Variants in DAPK1 observed in about 807,000 individuals in gnomAD.
DAPK1 encodes death-associated protein kinase 1.
Under a neutral mutation model 144.9 loss-of-function variants are expected in DAPK1, and 56 were observed. The observed-to-expected ratio is 0.39, with a 90% CI of 0.31 to 0.48. DAPK1 has a LOEUF of 0.48. Ranked by LOEUF, DAPK1 falls within the 20% of genes least tolerant of loss-of-function variation. The pLI is 0.95. For missense variants in DAPK1, 1,454 were observed against 1,875.4 expected (o/e 0.78, Z 4.15); for synonymous variants, 690 against 749.0 (o/e 0.92, Z 1.29).
chr9:87,680,375 G>A (rs1339311233), intron 19 of DAPK1, among the ~76,000 whole-genome samples: 1 of 152,222 alleles, frequency 6.6e-6, no homozygotes, highest in African/African-American at 2.4e-5. Context: ...AAAGTGCTGG[G>A]ATTACAGGCG....
In DAPK1 at chr9:87,498,055, G is replaced by T; in HGVS notation, c.-161G>T. The T allele has an allele frequency of 2.5e-6, 1 of 397,764 alleles. No homozygotes were observed. The highest frequency in any genetic ancestry group is 1.3e-4 in the South Asian group (1 of 7,702). 24.6% of individuals were successfully genotyped at this position (397,764 alleles called of 1,614,324 possible). A position where few individuals can be genotyped will look rare whatever the true frequency, so the allele number is the denominator to read the frequency against. On this transcript the variant is annotated 5_prime_UTR_variant, in exon 1 of 26. The change abolishes an upstream ATG in the 5' untranslated region. Transcript: ENST00000408954. ...GCTAGTCTCCGGCGCTGGCGCCTAT[G>T]GTCGGCCTCCGACAGCGCTCCGGAG...
chr9:87,528,218 TC>T (rs1278710009), intron 2 of DAPK1, among the ~76,000 whole-genome samples: 1 of 59,128 alleles, frequency 1.7e-5, no homozygotes, highest in Non-Finnish European at 2.9e-5. Flanking sequence ...TTTCTTTCTT[TC>T]TTTTTTTTTT....
At chr9:87,678,434 C>T (rs3118853) in intron 19 of DAPK1, among the ~76,000 whole-genome samples, 47,975 of 152,008 alleles carry the variant, frequency 0.32, 8,824 homozygotes, top group Middle Eastern at 0.52. Context: ...GCAACCCCCA[C>T]AGACGCCCAC....
In DAPK1 at chr9:87,681,387, T is replaced by G. The variant is rs1824613569; in HGVS notation, c.2002-17T>G. 2 of 1,437,942 alleles carry G rather than the reference T, an allele frequency of 1.4e-6. No individual in the cohort carries two copies. Among genetic ancestry groups the G allele is most frequent in the Non-Finnish European group, 2.0e-6 (2 of 1,022,684 alleles). The allele number at this position is 1,437,942 out of a possible 1,614,324, so 89.1% of individuals were successfully genotyped here. A position where few individuals can be genotyped will look rare whatever the true frequency, so the allele number is the denominator to read the frequency against. On this transcript the variant is annotated splice_polypyrimidine_tract_variant and intron_variant, in intron 19 of 25. Transcript: ENST00000408954. ...TCTTTTTCTGTCACTCACTGGCTCT[T>G]TCTCATCCATGCTCAGGATACGCAC...
chr9:87,668,629 G>A lies in DAPK1; in HGVS notation c.1956G>A (p.Ser652=), dbSNP rs760925899. 31 of 1,485,518 alleles carry A rather than the reference G, an allele frequency of 2.1e-5. No individual in the cohort carries two copies. The highest frequency in any genetic ancestry group is 2.4e-5 in the Non-Finnish European group (26 of 1,062,690). 92.0% of individuals were successfully genotyped at this position (1,485,518 alleles called of 1,614,324 possible). ...AGACGGCAGAAGATCTTGCTAGATC[G>A]GAACAGCACGAGCACGTAGCAGGTC... ...DGKTAEDLAR[S]EQHEHVAGLL... The change falls in exon 19 of 26, where the codon TCG becomes TCA. Residue 652 remains serine, a synonymous_variant. Coordinates refer to ENST00000408954, the MANE Select transcript of DAPK1 (RefSeq NM_004938.4).
intron 20 of DAPK1, among the ~76,000 whole-genome samples, chr9:87,682,100 T>C (rs79818083): frequency 0.033 from 5,020 of 152,226 alleles, 162 homozygotes; most frequent in African/African-American, 0.08. Flanking sequence ...TGTAGATACA[T>C]AGAGCAACAA....
chr9:87,701,175 G>A (rs1825441073), intron 24 of DAPK1, among the ~76,000 whole-genome samples: 1 of 152,118 alleles, frequency 6.6e-6, no homozygotes, highest in African/African-American at 2.4e-5. Flanking sequence ...AAATAAATAT[G>A]TCATTTGAAT....
rs1023738128 is a variant in DAPK1, at chr9:87,507,281, C to T, written c.62+8142C>T. 2.0e-5 allele frequency among the ~76,000 whole-genome samples: 3 copies of T among 152,172 alleles called. No homozygotes were observed. In the South Asian group the frequency reaches 6.2e-4, roughly 31 times the overall value. On this transcript the variant is annotated intron_variant, in intron 2 of 25. Transcript: ENST00000408954. ...TGGCTGGAATGCAATGGCGCTATCT[C>T]GGCTCACTGCAACCTCCGCCTCCTG...
At chr9:87,607,629 C>T (rs1003393749) in intron 3 of DAPK1, among the ~76,000 whole-genome samples, 13 of 152,048 alleles carry the variant, frequency 8.5e-5, no homozygotes, top group African/African-American at 2.9e-4. Context: ...TATAATACAG[C>T]AAATATAGTG....
chr9:87,683,796 G>A (rs907424203), intron 20 of DAPK1, among the ~76,000 whole-genome samples: 3 of 152,176 alleles, frequency 2.0e-5, no homozygotes, highest in Non-Finnish European at 4.4e-5. Context: ...GTCCTGGCGC[G>A]GGGGCAGAAG....
chr9:87,662,273 C>A (rs1020929356), intron 18 of DAPK1, among the ~76,000 whole-genome samples: 4 of 152,034 alleles, frequency 2.6e-5, no homozygotes, highest in Non-Finnish European at 4.4e-5. Context: ...CAGCTTTGCT[C>A]TTTTTGCTTA....
intron 2 of DAPK1, among the ~76,000 whole-genome samples, chr9:87,559,803 C>T (rs1406870500): frequency 6.6e-6 from 1 of 152,034 alleles, no homozygotes. Context: ...CTGGTGTGGA[C>T]CTTTGATGCC....
chr9:87,562,142 A>G (rs745381343), intron 2 of DAPK1, among the ~76,000 whole-genome samples: 24 of 152,196 alleles, frequency 1.6e-4, no homozygotes, highest in Non-Finnish European at 3.4e-4. Flanking sequence ...GCAGTTCTGT[A>G]TCTACCTGGT....
In DAPK1 at chr9:87,605,131, C is replaced by A. The variant is rs36207429; in HGVS notation, c.240C>A (p.His80Gln). Residue 80 changes from histidine (H) to glutamine (Q), a missense_variant, in exon 3 of 26, where the codon CAC (histidine) becomes CAA (glutamine). Physicochemically the swap from His to Gln is conservative, Grantham distance 24 (BLOSUM62 0). Around this residue, in one of 2 missense-constraint regions of DAPK1, gnomAD observed 429 missense variants for 637.5 expected, o/e 0.67. Transcript: ENST00000408954. ...AGCACCCCAATGTCATCACCCTGCACGAGGTCTATGAGAACAAGACGGACG... is the reference window on the plus strand; with the variant it reads ...AGCACCCCAATGTCATCACCCTGCAAGAGGTCTATGAGAACAAGACGGACG... ...EIQHPNVITL[H>Q]EVYENKTDVI... 6.2e-7 allele frequency: 1 copy of A among 1,614,042 alleles called. No individual in the cohort carries two copies. The highest frequency in any genetic ancestry group is 1.3e-5 in the African/African-American group (1 of 74,914).
intron 3 of DAPK1, among the ~76,000 whole-genome samples, chr9:87,611,619 C>T (rs909168508): frequency 3.3e-5 from 5 of 152,152 alleles, no homozygotes; most frequent in Non-Finnish European, 7.3e-5. Flanking sequence ...GCACCACACT[C>T]AGCTATTTTT....
At position 87,706,123 on chromosome 9, in the gene DAPK1, C is replaced by A; in HGVS notation, c.3061-9C>A. The A allele has an allele frequency of 6.4e-7, 1 of 1,572,778 alleles. No individual in the cohort carries two copies. The highest frequency in any genetic ancestry group is 8.7e-7 in the Non-Finnish European group (1 of 1,152,658). On this transcript the variant is annotated splice_polypyrimidine_tract_variant and intron_variant, in intron 25 of 25. Coordinates refer to ENST00000408954, the MANE Select transcript of DAPK1 (RefSeq NM_004938.4). This position sits in a 1 kb window ranked among gnomAD's most constrained non-coding sequence, Gnocchi z 9.0. ...TCCCTAAGCGTGACTTTCTGTTGTC[C>A]CCCCGCAGATCAACATCATGCAAAG...
intron 2 of DAPK1, among the ~76,000 whole-genome samples, chr9:87,572,898 C>T (rs950988723): frequency 1.3e-5 from 2 of 152,206 alleles, no homozygotes; most frequent in Non-Finnish European, 2.9e-5. Context: ...GCCCATGCTG[C>T]GGCCCACAGA....
chr9:87,647,688 A>G (rs1830318305), intron 14 of DAPK1, among the ~76,000 whole-genome samples: 1 of 152,228 alleles, frequency 6.6e-6, no homozygotes. Flanking sequence ...AACCAGAGAG[A>G]GACCTCGGTC....
chr9:87,551,124 G>A (rs1826467371), intron 2 of DAPK1, among the ~76,000 whole-genome samples: 1 of 151,756 alleles, frequency 6.6e-6, no homozygotes, highest in Non-Finnish European at 1.5e-5. Flanking sequence ...TTAAAACTGG[G>A]CAACATCATC....
Sources: gnomAD v4.1 joint callset for allele counts (sites outside exome capture counted in the v4.1 genomes callset) on GRCh38, gnomAD v4.1.1 for gene constraint, gnomAD v4.1.1 regional missense constraint, Gnocchi (gnomAD v3.1) non-coding constraint, MANE v1.5 for transcripts, NCBI Gene and HGNC (gene_info 2026-07-23, HGNC 2026-07-21) for gene names.